The following SHLD2 variants were observed in gnomAD, a reference collection of about 807,000 sequenced individuals.
SHLD2 encodes the protein RINN1-REV7-interacting novel NHEJ regulator 2.
SHLD2 carries 30 observed loss-of-function variants against 73.2 expected under a neutral mutation model. The ratio of observed to expected loss-of-function variants is 0.41; its 90% CI spans 0.31 to 0.56. The LOEUF is 0.56. Among genes scored for constraint, SHLD2 ranks in the 20% least tolerant of loss-of-function variants. SHLD2 has a pLI of 0.28. For synonymous variants in SHLD2, 285 were observed against 370.1 expected, an observed-to-expected ratio of 0.77 and a Z score of 2.64; for missense variants, 745 against 1,055.9, an observed-to-expected ratio of 0.71 and a Z score of 4.08.
chr10:87,182,984 A>C (rs1165762192), intron 8 of SHLD2, among the ~76,000 whole-genome samples: 2 of 152,156 alleles, frequency 1.3e-5, no homozygotes, highest in Admixed American at 6.5e-5. Context: ...CATCACTTCT[A>C]CCAAATTCTG....
chr10:87,158,960 T>A (rs1020258389), intron 4 of SHLD2, among the ~76,000 whole-genome samples: 5 of 152,188 alleles, frequency 3.3e-5, no homozygotes, highest in African/African-American at 1.2e-4. Flanking sequence ...TTATGAAGAT[T>A]AAGTGAGAAA....
intron 1 of SHLD2, among the ~76,000 whole-genome samples, chr10:87,096,037 TTTTTA>T (rs1002318257): frequency 2.6e-5 from 4 of 152,356 alleles, no homozygotes; most frequent in African/African-American, 7.2e-5. Flanking sequence ...TATGATTTAT[TTTTTA>T]TTTTATTTAT....
intron 2 of SHLD2, among the ~76,000 whole-genome samples, chr10:87,116,718 C>A (rs1246904383): frequency 1.3e-5 from 2 of 152,026 alleles, no homozygotes; most frequent in African/African-American, 2.4e-5. Flanking sequence ...AAAATGGAAT[C>A]ATGGATTTTT....
chr10:87,129,305 G>A (rs1332869224), intron 2 of SHLD2, among the ~76,000 whole-genome samples: 1 of 152,120 alleles, frequency 6.6e-6, no homozygotes, highest in Non-Finnish European at 1.5e-5. Flanking sequence ...TGGGCAGGCT[G>A]GTCTTGAACT....
chr10:87,119,498 C>G (rs1239383771), intron 2 of SHLD2, among the ~76,000 whole-genome samples: 1 of 152,078 alleles, frequency 6.6e-6, no homozygotes, highest in African/African-American at 2.4e-5. Flanking sequence ...GCCGGTGGCT[C>G]ACGCCTGTAA....
intron 2 of SHLD2, among the ~76,000 whole-genome samples, chr10:87,102,837 C>T (rs941994547): frequency 2.6e-5 from 4 of 152,130 alleles, no homozygotes; most frequent in African/African-American, 9.7e-5. Context: ...AGACATGAGA[C>T]ACCACAAATT....
chr10:87,161,476 TATACACAAATAATAAACAGA>T (rs1206897952), intron 4 of SHLD2, among the ~76,000 whole-genome samples: 4 of 152,092 alleles, frequency 2.6e-5, no homozygotes, highest in African/African-American at 9.7e-5. Context: ...TTAGACTTAA[TATACACAAATAATAAACAGA>T]GGGCATAATG....
chr10:87,094,670 G>C, upstream of SHLD2: 2 of 1,559,426 alleles, frequency 1.3e-6, no homozygotes, highest in Non-Finnish European at 1.7e-6. This position sits in a 1 kb window ranked among gnomAD's most constrained non-coding sequence, Gnocchi z 6.6. Flanking sequence ...GGCTGTCCCC[G>C]GGCCCAGCCC....
intron 1 of SHLD2, among the ~76,000 whole-genome samples, chr10:87,095,590 C>G (rs1382473715): frequency 3.3e-5 from 5 of 152,226 alleles, no homozygotes; most frequent in Admixed American, 3.3e-4. Context: ...CTGCAGAGAG[C>G]GGCGTGGCAC....
At chr10:87,119,243 A>C (rs1273275271) in intron 2 of SHLD2, among the ~76,000 whole-genome samples, 1 of 151,842 alleles carries the variant, frequency 6.6e-6, no homozygotes, top group Non-Finnish European at 1.5e-5. Flanking sequence ...ATAATAAGCA[A>C]AACCTGCCTG....
At chr10:87,184,584 C>T (rs918477211) in intron 8 of SHLD2, among the ~76,000 whole-genome samples, 5 of 152,142 alleles carry the variant, frequency 3.3e-5, no homozygotes, top group African/African-American at 4.8e-5. Flanking sequence ...TACCCATTGG[C>T]AGTGTGATTA....
intron 2 of SHLD2, among the ~76,000 whole-genome samples, chr10:87,149,903 G>T (rs1265625642): frequency 1.3e-5 from 2 of 151,798 alleles, no homozygotes; most frequent in South Asian, 2.1e-4. Flanking sequence ...CTAATTTTAA[G>T]AAATTTTTTA....
intron 2 of SHLD2, among the ~76,000 whole-genome samples, chr10:87,098,379 G>C (rs1842041663): frequency 6.6e-6 from 1 of 151,982 alleles, no homozygotes; most frequent in Non-Finnish European, 1.5e-5. Context: ...CTGGTGTGAT[G>C]GTGAATCCCT....
At chr10:87,123,509 T>C (rs1843769662) in intron 2 of SHLD2, among the ~76,000 whole-genome samples, 3 of 152,198 alleles carry the variant, frequency 2.0e-5, no homozygotes, top group Non-Finnish European at 2.9e-5. Context: ...TACTGTTTCT[T>C]TTATTGATTG....
At chr10:87,157,830 A>G (rs1284260772) in intron 3 of SHLD2, among the ~76,000 whole-genome samples, 1 of 152,216 alleles carries the variant, frequency 6.6e-6, no homozygotes, top group East Asian at 1.9e-4. Flanking sequence ...CCATACTGCT[A>G]TCATTTGAAT....
At chr10:87,122,039 A>G (rs2134083770) in intron 2 of SHLD2, among the ~76,000 whole-genome samples, 1 of 152,012 alleles carries the variant, frequency 6.6e-6, no homozygotes, top group Admixed American at 6.5e-5. Context: ...TTCTGGGATT[A>G]CAGGCGTGAG....
At chr10:87,180,947 A>G (rs1848266322) in intron 8 of SHLD2, among the ~76,000 whole-genome samples, 2 of 152,362 alleles carry the variant, frequency 1.3e-5, no homozygotes, top group East Asian at 1.9e-4. Context: ...ACATGTTATC[A>G]TGGCATACTT....
chr10:87,104,647 T>C (rs1163279180), intron 2 of SHLD2, among the ~76,000 whole-genome samples: 1 of 151,848 alleles, frequency 6.6e-6, no homozygotes, highest in Non-Finnish European at 1.5e-5. Context: ...ACAAATTAAC[T>C]GTACTAAGGT....
intron 4 of SHLD2, among the ~76,000 whole-genome samples, chr10:87,166,263 A>G (rs1276727073): frequency 6.6e-6 from 1 of 151,822 alleles, no homozygotes; most frequent in East Asian, 1.9e-4. Flanking sequence ...TTCCCTCTGA[A>G]AACTACAAAC....
Sources: allele counts gnomAD v4.1 joint callset (sites outside exome capture counted in the v4.1 genomes callset), GRCh38; gene constraint gnomAD v4.1.1; non-coding constraint Gnocchi (gnomAD v3.1); transcripts MANE v1.5; gene names NCBI Gene and HGNC (gene_info 2026-07-23, HGNC 2026-07-21).